Variants in IL1RAPL2 observed in about 807,000 individuals in gnomAD.
IL1RAPL2 encodes X-linked interleukin-1 receptor accessory protein-like 2.
Under a neutral mutation model 44.1 loss-of-function variants are expected in IL1RAPL2, and 3 were observed. That is an observed-to-expected ratio of 0.07 (90% confidence interval 0.03 to 0.18). The LOEUF (loss-of-function observed/expected upper bound fraction) is 0.18, where lower values mean the gene tolerates loss of function less well. Ranked by LOEUF, IL1RAPL2 falls within the 10% of genes least tolerant of loss-of-function variation. The pLI is 1.00. For synonymous variants in IL1RAPL2, 181 were observed against 178.8 expected (o/e 1.01, Z -0.10); for missense variants, 391 against 496.4 (o/e 0.79, Z 2.02).
intron 2 of IL1RAPL2, among the ~76,000 whole-genome samples, chrX:104,740,451 C>T (rs191878867): frequency 9.0e-6 from 1 of 110,888 alleles, no homozygotes; most frequent in East Asian, 2.9e-4. Context: ...TTTTAATATG[C>T]CCAGAAAACT....
chrX:105,692,939 A>G (rs1252476741), intron 6 of IL1RAPL2, among the ~76,000 whole-genome samples: 1 of 111,537 alleles, frequency 9.0e-6, no homozygotes, highest in Non-Finnish European at 1.9e-5. Context: ...GTAGTGAACT[A>G]TTTATTTAAG....
intron 5 of IL1RAPL2, among the ~76,000 whole-genome samples, chrX:105,340,272 C>G (rs952426614): frequency 9.0e-6 from 1 of 111,219 alleles, no homozygotes; most frequent in African/African-American, 3.3e-5. Context: ...TCTTTTCTCC[C>G]ACAGCACAAC....
intron 2 of IL1RAPL2, among the ~76,000 whole-genome samples, chrX:104,840,851 A>T (rs778096539): frequency 2.4e-3 from 243 of 103,209 alleles, no homozygotes; most frequent in African/African-American, 7.9e-3. Context: ...TTATTTATTT[A>T]TTTTTTTTTT....
chrX:104,858,745 CAA>C (rs781001874), intron 2 of IL1RAPL2, among the ~76,000 whole-genome samples: 1 of 111,386 alleles, frequency 9.0e-6, no homozygotes, highest in East Asian at 2.8e-4. Flanking sequence ...CAATTTATAA[CAA>C]AAAACTCAAA....
At chrX:105,165,970 C>T (rs1160781948) in intron 2 of IL1RAPL2, among the ~76,000 whole-genome samples, 1 of 111,687 alleles carries the variant, frequency 9.0e-6, no homozygotes, top group Non-Finnish European at 1.9e-5. Flanking sequence ...TGGTTAAAAG[C>T]ATAGCCTTGG....
At chrX:105,312,562 G>T (rs1350709979) in intron 5 of IL1RAPL2, among the ~76,000 whole-genome samples, 2 of 111,732 alleles carry the variant, frequency 1.8e-5, no homozygotes, top group African/African-American at 6.5e-5. Flanking sequence ...TCCTGAAGTT[G>T]TATAGCAATA....
intron 2 of IL1RAPL2, among the ~76,000 whole-genome samples, chrX:104,947,059 A>C (rs1309686065): frequency 9.1e-6 from 1 of 109,320 alleles, no homozygotes; most frequent in African/African-American, 3.3e-5. Flanking sequence ...CTATTTCTCC[A>C]CATCCTCTCC....
chrX:104,794,094 A>G (rs1252229653), intron 2 of IL1RAPL2, among the ~76,000 whole-genome samples: 1 of 112,214 alleles, frequency 8.9e-6, no homozygotes, highest in African/African-American at 3.2e-5. Flanking sequence ...AAAAAGTATT[A>G]GAGGAGGAAT....
intron 2 of IL1RAPL2, among the ~76,000 whole-genome samples, chrX:104,739,401 C>T (rs756679995): frequency 8.9e-6 from 1 of 112,242 alleles, no homozygotes; most frequent in Non-Finnish European, 1.9e-5. Context: ...TCATCTAGAT[C>T]GTTTTATGAC....
intron 6 of IL1RAPL2, among the ~76,000 whole-genome samples, chrX:105,713,903 C>A (rs1295426583): frequency 9.0e-6 from 1 of 111,715 alleles, no homozygotes; most frequent in Non-Finnish European, 1.9e-5. Flanking sequence ...ATTCTGCTTC[C>A]CTTTTTAAGT....
intron 2 of IL1RAPL2, among the ~76,000 whole-genome samples, chrX:104,949,440 T>A (rs1163886959): frequency 9.3e-6 from 1 of 108,044 alleles, no homozygotes; most frequent in East Asian, 2.9e-4. Context: ...CTGATTTTAG[T>A]TATTTCTTGC....
intron 2 of IL1RAPL2, among the ~76,000 whole-genome samples, chrX:104,946,861 T>C (rs1925390343): frequency 2.1e-5 from 2 of 95,872 alleles, no homozygotes; most frequent in East Asian, 3.4e-4. Flanking sequence ...TTGTGAATAA[T>C]GCCGCAATAA....
At chrX:105,473,871 A>G (rs12116153) in intron 5 of IL1RAPL2, among the ~76,000 whole-genome samples, 3,223 of 111,928 alleles carry the variant, frequency 0.029, 123 homozygotes, top group African/African-American at 0.1. Flanking sequence ...ACAATATGTT[A>G]TTCCATATGA....
At chrX:104,831,475 A>C (rs913965876) in intron 2 of IL1RAPL2, among the ~76,000 whole-genome samples, 1 of 111,454 alleles carries the variant, frequency 9.0e-6, no homozygotes, top group African/African-American at 3.3e-5. Flanking sequence ...AAGCACAGGG[A>C]GGTTAAGTAA....
intron 5 of IL1RAPL2, among the ~76,000 whole-genome samples, chrX:105,432,167 T>TCTAGAGATGGTG (rs1486360798): frequency 1.7e-4 from 15 of 88,530 alleles, no homozygotes; most frequent in African/African-American, 6.2e-4. Context: ...TTTCTCACTC[T>TCTAGAGATGGTG]GGAATTTTCC....
At chrX:105,657,700 C>T (rs2037686020) in intron 6 of IL1RAPL2, among the ~76,000 whole-genome samples, 3 of 111,776 alleles carry the variant, frequency 2.7e-5, no homozygotes, top group African/African-American at 9.8e-5. Flanking sequence ...CTGCAACCTC[C>T]GCCTCCCGGT....
Position 105,717,439 on chromosome X carries a change from T to A in IL1RAPL2, c.845T>A (p.Met282Lys). 8.3e-7 allele frequency: 1 copy of A among 1,204,998 alleles called. No individual in the cohort carries two copies. Among genetic ancestry groups the A allele is most frequent in the Non-Finnish European group, 1.1e-6 (1 of 890,783 alleles). Residue 282 changes from methionine (M) to lysine (K), a missense_variant, in exon 7 of 11, where the codon ATG becomes AAG. Met to Lys is a moderately conservative substitution (Grantham distance 95, BLOSUM62 -1). Transcript: ENST00000372582. ...SGESGPMIYW[M>K]KGEKFIEELA... ...GAGTCTGGGCCAATGATCTACTGGA[T>A]GAAAGGAGAAAAGTTTATTGAAGAA... is the stretch of plus-strand genomic sequence containing the variant.
At chrX:104,759,133 T>C (rs1602713960) in intron 2 of IL1RAPL2, among the ~76,000 whole-genome samples, 1 of 112,443 alleles carries the variant, frequency 8.9e-6, no homozygotes, top group East Asian at 2.8e-4. Flanking sequence ...TGAATTTAGA[T>C]CAACAATGTA....
At chrX:104,623,005 G>C (rs1929428619) in intron 1 of IL1RAPL2, among the ~76,000 whole-genome samples, 1 of 111,478 alleles carries the variant, frequency 9.0e-6, no homozygotes, top group Non-Finnish European at 1.9e-5. Flanking sequence ...GTCAGATGCT[G>C]ATCACGAAAT....
Sources: gnomAD v4.1 joint callset for allele counts (sites outside exome capture counted in the v4.1 genomes callset) on GRCh38, gnomAD v4.1.1 for gene constraint, MANE v1.5 for transcripts, NCBI Gene and HGNC (gene_info 2026-07-23, HGNC 2026-07-21) for gene names.